The following SULT2B1 variants were observed in gnomAD, a reference collection of about 807,000 sequenced individuals.
SULT2B1 encodes the protein sulfotransferase family 2B member 1, also known as sulfotransferase 2B1.
A neutral mutation model predicts 33.2 loss-of-function variants in SULT2B1; 16 were observed. The observed-to-expected ratio is 0.48, with a 90% confidence interval of 0.33 to 0.73. The LOEUF (loss-of-function observed/expected upper bound fraction) is 0.73. Ranked by LOEUF, SULT2B1 falls within the 30% of genes least tolerant of loss-of-function variation. The probability of loss-of-function intolerance (pLI) is 0.02; values close to 1 mark genes in which losing one functional copy is unlikely to be tolerated. For missense variants in SULT2B1, 500 were observed against 506.0 expected, an observed-to-expected ratio of 0.99 and a Z score of 0.11; for synonymous variants, 186 against 200.5, an observed-to-expected ratio of 0.93 and a Z score of 0.61.
chr19:48,581,927 T>C (rs1330062043), intron 2 of SULT2B1, among the ~76,000 whole-genome samples: 1 of 148,004 alleles, frequency 6.8e-6, no homozygotes, highest in Admixed American at 6.8e-5. Flanking sequence ...TTATTAGAGA[T>C]GAAGTCTCGC....
chr19:48,592,591 G>A, intron 4 of SULT2B1, 131 bp from the exon 5 acceptor site: 1 of 721,030 alleles, frequency 1.4e-6, no homozygotes, highest in Non-Finnish European at 2.3e-6. Flanking sequence ...GGGGGCTCTG[G>A]GGGAGGGCAT....
chr19:48,563,890 G>A (rs1240107129), intron 1 of SULT2B1, among the ~76,000 whole-genome samples: 1 of 151,082 alleles, frequency 6.6e-6, no homozygotes, highest in Non-Finnish European at 1.5e-5. Flanking sequence ...GTTTGAACAT[G>A]GGAGGCAAGG....
chr19:48,573,612 G>T (rs988181791), intron 1 of SULT2B1, among the ~76,000 whole-genome samples: 1 of 152,078 alleles, frequency 6.6e-6, no homozygotes, highest in Non-Finnish European at 1.5e-5. Context: ...AGCTCCAGGG[G>T]CCCAGAGGTA....
At chr19:48,555,846 T>C (rs1000518364) in intron 1 of SULT2B1, among the ~76,000 whole-genome samples, 4 of 152,046 alleles carry the variant, frequency 2.6e-5, no homozygotes, top group Non-Finnish European at 5.9e-5. Context: ...TTCAAGCGAT[T>C]CTTCTGCCTC....
At chr19:48,559,122 C>T (rs1973142147) in intron 1 of SULT2B1, among the ~76,000 whole-genome samples, 1 of 152,046 alleles carries the variant, frequency 6.6e-6, no homozygotes, top group African/African-American at 2.4e-5. Context: ...CTAGCGGATG[C>T]GGGGACTTGG....
chr19:48,596,614 T>G (rs1329593279), intron 5 of SULT2B1, 125 bp from the exon 6 acceptor site: 226 of 1,041,204 alleles, frequency 2.2e-4, no homozygotes, highest in Non-Finnish European at 3.9e-5. Flanking sequence ...TTGGGGAAAC[T>G]GAGGCAAAGA....
chr19:48,598,575 C>T (rs1973754061), intron 6 of SULT2B1, among the ~76,000 whole-genome samples: 1 of 151,940 alleles, frequency 6.6e-6, no homozygotes, highest in Admixed American at 6.6e-5. Flanking sequence ...CAGAGCGAGA[C>T]TCCATCTCAA....
chr19:48,566,232 T>G, intron 1 of SULT2B1, among the ~76,000 whole-genome samples: 1 of 151,890 alleles, frequency 6.6e-6, no homozygotes, highest in African/African-American at 2.4e-5. Context: ...CTAAATATTT[T>G]ATTGTTATTT....
At chr19:48,570,106 C>T (rs1220568664) in intron 1 of SULT2B1, among the ~76,000 whole-genome samples, 3 of 152,032 alleles carry the variant, frequency 2.0e-5, no homozygotes, top group African/African-American at 7.2e-5. Flanking sequence ...GTTTACCTTC[C>T]AAGTCTGGCT....
At chr19:48,570,068 C>G (rs1973299690) in intron 1 of SULT2B1, among the ~76,000 whole-genome samples, 1 of 152,138 alleles carries the variant, frequency 6.6e-6, no homozygotes, top group South Asian at 2.1e-4. Context: ...TTTGGCCAAC[C>G]ACAGTCACAG....
intron 1 of SULT2B1, among the ~76,000 whole-genome samples, chr19:48,567,555 A>G (rs77918035): frequency 6.6e-6 from 1 of 152,122 alleles, no homozygotes; most frequent in Non-Finnish European, 1.5e-5. Context: ...CTCAACAACA[A>G]CAAAAAAAGA....
At chr19:48,562,785 T>C (rs1018200526) in intron 1 of SULT2B1, among the ~76,000 whole-genome samples, 1 of 152,002 alleles carries the variant, frequency 6.6e-6, no homozygotes, top group Non-Finnish European at 1.5e-5. Flanking sequence ...GTTCAGGCAA[T>C]TCTCTTGCCT....
chr19:48,563,858 G>A (rs1001840408), intron 1 of SULT2B1, among the ~76,000 whole-genome samples: 5 of 151,950 alleles, frequency 3.3e-5, no homozygotes, highest in Non-Finnish European at 5.9e-5. Flanking sequence ...CCAGCTACTC[G>A]GGAGGCTGAG....
intron 1 of SULT2B1, among the ~76,000 whole-genome samples, chr19:48,565,483 G>T (rs974786372): frequency 6.6e-6 from 1 of 151,630 alleles, no homozygotes; most frequent in African/African-American, 2.4e-5. Flanking sequence ...AGATTCAAGC[G>T]ATTCTCCTGC....
chr19:48,588,858 G>C (rs541485024), intron 3 of SULT2B1, among the ~76,000 whole-genome samples: 229 of 152,284 alleles, frequency 1.5e-3, no homozygotes, highest in Middle Eastern at 3.4e-3. Context: ...TGTATCTGAG[G>C]TGCAAGAGGG....
intron 6 of SULT2B1, among the ~76,000 whole-genome samples, chr19:48,598,699 C>T (rs4149455): frequency 0.41 from 62,841 of 151,792 alleles, 13,721 homozygotes; most frequent in African/African-American, 0.54. Context: ...GGGGTCCCTT[C>T]CATGTCCAAG....
At chr19:48,567,263 C>T (rs1208078298) in intron 1 of SULT2B1, among the ~76,000 whole-genome samples, 1 of 151,852 alleles carries the variant, frequency 6.6e-6, no homozygotes, top group East Asian at 1.9e-4. Flanking sequence ...GGGGATCTGG[C>T]AAATAGAACA....
At chr19:48,584,095 A>G (rs1973531516) in intron 2 of SULT2B1, among the ~76,000 whole-genome samples, 1 of 152,202 alleles carries the variant, frequency 6.6e-6, no homozygotes, top group Non-Finnish European at 1.5e-5. Flanking sequence ...CTGGAAACAC[A>G]GCAAGACTCC....
At chr19:48,587,066 CGCGCCATT>C (rs1973570932) in intron 2 of SULT2B1, among the ~76,000 whole-genome samples, 155 bp from the exon 3 acceptor site, 1 of 151,780 alleles carries the variant, frequency 6.6e-6, no homozygotes, top group Non-Finnish European at 1.5e-5. Context: ...GAGCCGAGAT[CGCGCCATT>C]GCACTCCAGC....
Sources: gnomAD v4.1 joint callset for allele counts (sites outside exome capture counted in the v4.1 genomes callset) on GRCh38, gnomAD v4.1.1 for gene constraint, MANE v1.5 for transcripts, NCBI Gene and HGNC (gene_info 2026-07-23, HGNC 2026-07-21) for gene names.